The following MTMR12 variants were observed in gnomAD, a reference collection of about 807,000 sequenced individuals.
The protein encoded by MTMR12 is myotubularin related protein 12, also known as myotubularin-related protein 12.
Under a neutral mutation model 96.7 loss-of-function variants are expected in MTMR12, and 33 were observed. The ratio of observed to expected loss-of-function variants is 0.34; its 90% CI spans 0.26 to 0.46. The LOEUF (loss-of-function observed/expected upper bound fraction) is 0.46, where lower values mean the gene tolerates loss of function less well. Among genes scored for constraint, MTMR12 ranks in the 20% least tolerant of loss-of-function variants. The pLI is 1.00. For missense variants in MTMR12, 721 were observed against 896.1 expected (o/e 0.80, Z 2.49); for synonymous variants, 298 against 327.2 (o/e 0.91, Z 0.96).
intron 1 of MTMR12, among the ~76,000 whole-genome samples, chr5:32,307,596 T>C (rs1751409758): frequency 6.6e-6 from 1 of 152,164 alleles, no homozygotes; most frequent in African/African-American, 2.4e-5. Context: ...ATATACAAAA[T>C]TATGGTTTTA....
intron 1 of MTMR12, among the ~76,000 whole-genome samples, chr5:32,289,598 GTC>G (rs1750670459): frequency 6.6e-6 from 1 of 152,180 alleles, no homozygotes; most frequent in African/African-American, 2.4e-5. Flanking sequence ...TGTCACTGTG[GTC>G]CTCCAGTTAA....
At chr5:32,308,991 C>T (rs940935464) in intron 1 of MTMR12, among the ~76,000 whole-genome samples, 1 of 152,196 alleles carries the variant, frequency 6.6e-6, no homozygotes, top group African/African-American at 2.4e-5. Flanking sequence ...ACTACAACAA[C>T]GAGGCATAGT....
At chr5:32,281,002 C>T (rs897467899) in intron 1 of MTMR12, among the ~76,000 whole-genome samples, 3 of 151,880 alleles carry the variant, frequency 2.0e-5, no homozygotes, top group African/African-American at 7.3e-5. Flanking sequence ...AATCACAGCA[C>T]TTTGGGAGGC....
chr5:32,297,115 A>AG (rs558485718), intron 1 of MTMR12, among the ~76,000 whole-genome samples: 106 of 152,100 alleles, frequency 7.0e-4, no homozygotes, highest in Non-Finnish European at 1.3e-3. Context: ...AAAAAAAAAA[A>AG]AAAGATATAA....
intron 12 of MTMR12, among the ~76,000 whole-genome samples, chr5:32,241,148 C>A (rs1561745738): frequency 6.6e-6 from 1 of 152,186 alleles, no homozygotes; most frequent in East Asian, 1.9e-4. Context: ...TATCCCTCCC[C>A]CTTTTCACTA....
In MTMR12 at chr5:32,312,659, A is replaced by G; in HGVS notation, c.81+99T>C. On this transcript the variant is annotated intron_variant, in intron 1 of 15. Transcript: ENST00000382142. The surrounding 1 kb of genome is among the most constrained non-coding windows in gnomAD (Gnocchi z 5.0). The stretch of plus-strand genomic sequence containing the variant: ...CCCCGTCGCCCGGCACAAGGGCAGG[A>G]AGCGCTCCGCGGCGCTCCCCGCTGC... 3 of 1,136,168 alleles carry G rather than the reference A, an allele frequency of 2.6e-6. No individual in the cohort carries two copies. Among genetic ancestry groups the G allele is most frequent in the Non-Finnish European group, 2.3e-6 (2 of 887,520 alleles). 70.4% of individuals were successfully genotyped at this position (1,136,168 alleles called of 1,614,324 possible).
At chr5:32,283,387 TA>T in intron 1 of MTMR12, among the ~76,000 whole-genome samples, 1 of 149,104 alleles carries the variant, frequency 6.7e-6, no homozygotes, top group African/African-American at 2.4e-5. Context: ...TCTTGGGCTC[TA>T]AGTGCCAGCT....
intron 1 of MTMR12, among the ~76,000 whole-genome samples, chr5:32,289,755 G>A (rs551331347): frequency 4.6e-5 from 7 of 152,320 alleles, no homozygotes; most frequent in Admixed American, 2.0e-4. Context: ...GCAACTGGCA[G>A]AACCCCCACA....
chr5:32,275,470 T>C (rs1750013683), intron 2 of MTMR12, among the ~76,000 whole-genome samples: 1 of 152,208 alleles, frequency 6.6e-6, no homozygotes, highest in African/African-American at 2.4e-5. Flanking sequence ...CGTCCCATGC[T>C]CATGTACTAG....
chr5:32,242,231 CTT>C (rs947324553), intron 11 of MTMR12, 104 bp from the exon 12 acceptor site: 6 of 655,012 alleles, frequency 9.2e-6, no homozygotes, highest in South Asian at 5.6e-5. Context: ...AGTCTTCTCT[CTT>C]ATTTTTTTTT....
At chr5:32,288,741 T>G (rs1437045696) in intron 1 of MTMR12, among the ~76,000 whole-genome samples, 1 of 152,200 alleles carries the variant, frequency 6.6e-6, no homozygotes, top group Non-Finnish European at 1.5e-5. Flanking sequence ...ATAGTTTATG[T>G]GCTTGGTTAG....
At position 32,307,370 on chromosome 5, in the gene MTMR12, T is replaced by A. The variant is rs1191983009; in HGVS notation, c.81+5388A>T. Among the ~76,000 whole-genome samples the A allele has an allele frequency of 2.0e-5, 3 of 152,100 alleles. No homozygotes were observed. In the East Asian group the frequency reaches 5.8e-4, roughly 29 times the overall value. On this transcript the variant is annotated intron_variant, in intron 1 of 15. Transcript: ENST00000382142. ...AGGTCCCCCGACAGAGGCACCGACA[T>A]CCTTTGCACCCTGTGTCTGGGGCTG...
intron 1 of MTMR12, among the ~76,000 whole-genome samples, chr5:32,309,472 CAG>C (rs1245335163): frequency 6.6e-6 from 1 of 152,074 alleles, no homozygotes; most frequent in African/African-American, 2.4e-5. Context: ...ATCTATCTGA[CAG>C]GGGATAACAA....
chr5:32,231,286 G>A (rs577011449), intron 15 of MTMR12, among the ~76,000 whole-genome samples: 51 of 151,380 alleles, frequency 3.4e-4, no homozygotes, highest in Middle Eastern at 3.4e-3. Flanking sequence ...GGCTGAGGGA[G>A]GAGAATTGCT....
chr5:32,302,907 T>G (rs79535691), intron 1 of MTMR12, among the ~76,000 whole-genome samples: 3 of 152,148 alleles, frequency 2.0e-5, no homozygotes, highest in African/African-American at 7.2e-5. Context: ...AAGAAACTTT[T>G]AGAGATAGCA....
At chr5:32,273,884 TA>T in intron 3 of MTMR12, 95 bp downstream of exon 3, 3 of 1,529,980 alleles carry the variant, frequency 2.0e-6, no homozygotes, top group Non-Finnish European at 2.7e-6. Flanking sequence ...TTATGTGTGT[TA>T]GGGGGTAGAG....
intron 1 of MTMR12, among the ~76,000 whole-genome samples, chr5:32,304,498 T>C (rs1033685534): frequency 1.3e-5 from 2 of 152,220 alleles, no homozygotes; most frequent in Non-Finnish European, 2.9e-5. Context: ...TAATAAGGTA[T>C]ACATTTTTTT....
intron 1 of MTMR12, 149 bp from the exon 2 acceptor site, chr5:32,276,891 T>C: frequency 1.7e-6 from 1 of 575,282 alleles, no homozygotes; most frequent in Non-Finnish European, 2.9e-6. Flanking sequence ...TTTTTTTTTT[T>C]TTTTTTTTTT....
intron 6 of MTMR12, among the ~76,000 whole-genome samples, chr5:32,267,534 T>C (rs1457815578): frequency 2.0e-5 from 3 of 152,220 alleles, no homozygotes; most frequent in African/African-American, 7.2e-5. Flanking sequence ...AAAAGATTGC[T>C]CTCTTTTTCA....
Sources: allele counts gnomAD v4.1 joint callset (sites outside exome capture counted in the v4.1 genomes callset), GRCh38; gene constraint gnomAD v4.1.1; non-coding constraint Gnocchi (gnomAD v3.1); transcripts MANE v1.5; gene names NCBI Gene and HGNC (gene_info 2026-07-23, HGNC 2026-07-21).